The following ROBO2 variants were observed in gnomAD, a reference collection of about 807,000 sequenced individuals.
The protein encoded by ROBO2 is roundabout guidance receptor 2.
ROBO2 carries 53 observed loss-of-function variants against 160.8 expected under a neutral mutation model. The ratio of observed to expected loss-of-function variants is 0.33; its 90% CI spans 0.26 to 0.41. ROBO2 has a LOEUF of 0.41. Ranked by LOEUF, ROBO2 falls within the 10% of genes least tolerant of loss-of-function variation. The pLI is 1.00. For synonymous variants in ROBO2, 664 were observed against 611.7 expected (o/e 1.09, Z -1.26); for missense variants, 1,577 against 1,722.4 (o/e 0.92, Z 1.49).
intron 2 of ROBO2, among the ~76,000 whole-genome samples, chr3:76,802,335 T>C (rs1460231355): frequency 6.6e-6 from 1 of 152,190 alleles, no homozygotes; most frequent in African/African-American, 2.4e-5. Context: ...AAATGGTACA[T>C]TGTCTTGAAA....
In ROBO2 at chr3:76,073,267, C is replaced by CTT. The variant is rs869307615; in HGVS notation, c.109+135708_109+135709dup. On this transcript the variant is annotated intron_variant, in intron 2 of 26. Transcript: ENST00000487694. ...TTGTAAACTTCTCAGAATGAGTATT[C>CTT]TTTTTTTTTTTTTTTTTTTTTTTTT... Among the ~76,000 whole-genome samples the CTT allele has an allele frequency of 5.9e-4, 34 of 57,396 alleles. 8 individuals are homozygous for CTT. The highest frequency in any genetic ancestry group is 1.2e-3 in the South Asian group (2 of 1,638). The allele number at this position is 57,396 out of a possible 152,430, so 37.7% of individuals were successfully genotyped here.
chr3:76,316,646 G>C (rs1414335158), intron 2 of ROBO2, among the ~76,000 whole-genome samples: 1 of 152,142 alleles, frequency 6.6e-6, no homozygotes, highest in Admixed American at 6.6e-5. Flanking sequence ...AACAGGATTA[G>C]GAGATTAAAG....
chr3:75,925,004 A>C (rs1220649790), intron 1 of ROBO2, among the ~76,000 whole-genome samples: 1 of 151,914 alleles, frequency 6.6e-6, no homozygotes, highest in Non-Finnish European at 1.5e-5. Flanking sequence ...TATTTTCTTC[A>C]GATAGTTCTT....
At chr3:77,208,607 C>T (rs2083720104) in intron 2 of ROBO2, among the ~76,000 whole-genome samples, 1 of 152,072 alleles carries the variant, frequency 6.6e-6, no homozygotes, top group Admixed American at 6.6e-5. Context: ...AACTAACAGG[C>T]AGATACTATT....
At chr3:77,031,565 TATTAA>T (rs2063326555) in intron 2 of ROBO2, among the ~76,000 whole-genome samples, 3 of 146,314 alleles carry the variant, frequency 2.1e-5, no homozygotes, top group African/African-American at 7.4e-5. Context: ...TTTTATATAT[TATTAA>T]ATTAATATAT....
intron 2 of ROBO2, among the ~76,000 whole-genome samples, chr3:77,262,959 A>T (rs897829231): frequency 6.6e-6 from 1 of 152,176 alleles, no homozygotes; most frequent in Admixed American, 6.5e-5. Flanking sequence ...TTTAATTCAT[A>T]AAATTCTCAC....
chr3:76,006,840 A>C (rs2107592048), intron 2 of ROBO2, among the ~76,000 whole-genome samples: 1 of 152,202 alleles, frequency 6.6e-6, no homozygotes, highest in South Asian at 2.1e-4. Flanking sequence ...TCCAAACTAT[A>C]TTGGAAATTA....
intron 2 of ROBO2, among the ~76,000 whole-genome samples, chr3:76,528,062 C>T (rs573217432): frequency 6.6e-6 from 1 of 152,082 alleles, no homozygotes; most frequent in African/African-American, 2.4e-5. Flanking sequence ...TTAGCTCTTA[C>T]TTTGAATAAT....
At chr3:77,488,265 T>TC (rs1232649833) in intron 4 of ROBO2, among the ~76,000 whole-genome samples, 2 of 152,162 alleles carry the variant, frequency 1.3e-5, no homozygotes, top group Admixed American at 6.5e-5. Context: ...ATTCAAATCC[T>TC]GTTAATCTCA....
intron 2 of ROBO2, chr3:77,317,433 T>C (rs2064121953): frequency 1.3e-6 from 2 of 1,503,892 alleles, no homozygotes. Flanking sequence ...GTACCTGGTT[T>C]CCAGACTGCC....
In ROBO2 at chr3:76,468,424, C is replaced by T. The variant is rs188149762; in HGVS notation, c.109+530822C>T. On this transcript the variant is annotated intron_variant, in intron 2 of 26. Transcript: ENST00000487694. The stretch of plus-strand genomic sequence containing the variant: ...AAAGCACACTCTCCAATATTGGAAA[C>T]GTGCAAAAGCAATGAAAGGATACAA... Among the ~76,000 whole-genome samples, 142 of 152,158 alleles carry T rather than the reference C, an allele frequency of 9.3e-4. 1 individual carries two copies. The highest frequency in any genetic ancestry group is 3.2e-3 in the African/African-American group (133 of 41,548).
intron 2 of ROBO2, among the ~76,000 whole-genome samples, chr3:76,582,240 A>G (rs553345017): frequency 2.0e-5 from 3 of 152,204 alleles, no homozygotes; most frequent in Non-Finnish European, 2.9e-5. Flanking sequence ...CAGTTACTCC[A>G]TAAGATTGAC....
chr3:77,563,455 C>T, intron 11 of ROBO2, 126 bp downstream of exon 12: 1 of 935,364 alleles, frequency 1.1e-6, no homozygotes, highest in South Asian at 1.4e-5. Context: ...GAATTGATCT[C>T]TTCTCTCTGA....
intron 2 of ROBO2, among the ~76,000 whole-genome samples, chr3:77,276,178 C>A (rs1489225056): frequency 1.3e-5 from 2 of 150,888 alleles, no homozygotes. Context: ...TTGCATGTTC[C>A]TCTAAGATAA....
chr3:77,230,808 C>T (rs193238241), intron 2 of ROBO2, among the ~76,000 whole-genome samples: 4 of 152,174 alleles, frequency 2.6e-5, no homozygotes, highest in East Asian at 1.9e-4. Flanking sequence ...AAACAAGATC[C>T]GGGTTTTCCT....
intron 2 of ROBO2, among the ~76,000 whole-genome samples, chr3:77,108,419 C>T (rs992209167): frequency 1.3e-5 from 2 of 151,674 alleles, no homozygotes; most frequent in Admixed American, 6.6e-5. Context: ...CCTATGTGAC[C>T]CCCCCCTACC....
chr3:76,721,134 T>TA (rs1266130423), intron 2 of ROBO2, among the ~76,000 whole-genome samples: 1 of 152,268 alleles, frequency 6.6e-6, no homozygotes, highest in Non-Finnish European at 1.5e-5. Flanking sequence ...TCACCTTTAA[T>TA]AAAAAATCAA....
chr3:76,882,155 G>T (rs1452818884), intron 2 of ROBO2, among the ~76,000 whole-genome samples: 1 of 151,700 alleles, frequency 6.6e-6, no homozygotes, highest in Non-Finnish European at 1.5e-5. Flanking sequence ...TTGGGGGGGT[G>T]TGTGTGCGTG....
intron 2 of ROBO2, among the ~76,000 whole-genome samples, chr3:76,143,312 T>G (rs2071757396): frequency 6.6e-6 from 1 of 152,100 alleles, no homozygotes; most frequent in Non-Finnish European, 1.5e-5. Flanking sequence ...ATTACAGGTA[T>G]GAGCTACCAT....
Sources: gnomAD v4.1 joint callset for allele counts (sites outside exome capture counted in the v4.1 genomes callset) on GRCh38, gnomAD v4.1.1 for gene constraint, MANE v1.5 for transcripts, NCBI Gene and HGNC (gene_info 2026-07-23, HGNC 2026-07-21) for gene names.